SNX29: variants seen among roughly 807,000 people sequenced by gnomAD.
The protein encoded by SNX29 is sorting nexin-29.
A neutral mutation model predicts 102.1 loss-of-function variants in SNX29; 78 were observed. The ratio of observed to expected loss-of-function variants is 0.76; its 90% confidence interval spans 0.64 to 0.92. The LOEUF (loss-of-function observed/expected upper bound fraction) is 0.92. SNX29 is among the 40% of genes least tolerant of loss of function. The pLI is 0.00. For synonymous variants in SNX29, 580 were observed against 414.5 expected (o/e 1.40, Z -4.85); for missense variants, 1,280 against 1,061.7 (o/e 1.21, Z -2.86).
chr16:12,422,451 G>A (rs575417416), intron 18 of SNX29, among the ~76,000 whole-genome samples: 2 of 152,248 alleles, frequency 1.3e-5, no homozygotes, highest in African/African-American at 4.8e-5. Flanking sequence ...CTGTTACTTC[G>A]ACAGTCTAGC....
intron 14 of SNX29, among the ~76,000 whole-genome samples, chr16:12,241,976 G>T (rs777271695): frequency 6.6e-6 from 1 of 152,132 alleles, no homozygotes; most frequent in African/African-American, 2.4e-5. Context: ...ACTCCAGCAT[G>T]CTCATCTAAG....
intron 18 of SNX29, among the ~76,000 whole-genome samples, chr16:12,446,926 A>G (rs1465854516): frequency 2.6e-5 from 4 of 151,990 alleles, no homozygotes; most frequent in Non-Finnish European, 4.4e-5. Context: ...GAACTTTGGG[A>G]GGTCAAGGTG....
intron 18 of SNX29, among the ~76,000 whole-genome samples, chr16:12,453,376 G>C (rs1348186100): frequency 6.6e-6 from 1 of 152,172 alleles, no homozygotes; most frequent in African/African-American, 2.4e-5. Flanking sequence ...ATCCTTGCTG[G>C]AAATCCTTAC....
At chr16:12,509,345 C>T (rs907642840) in intron 19 of SNX29, among the ~76,000 whole-genome samples, 2 of 152,186 alleles carry the variant, frequency 1.3e-5, no homozygotes, top group African/African-American at 2.4e-5. Context: ...GGGCCCACAC[C>T]ACCCAAGCAG....
At chr16:12,268,382 C>CT (rs1333775224) in intron 14 of SNX29, among the ~76,000 whole-genome samples, 2 of 152,216 alleles carry the variant, frequency 1.3e-5, no homozygotes, top group Non-Finnish European at 2.9e-5. Context: ...GTCACCCCTG[C>CT]TAAGCGGTAG....
At chr16:12,230,293 G>A (rs981573212) in intron 14 of SNX29, among the ~76,000 whole-genome samples, 5 of 152,204 alleles carry the variant, frequency 3.3e-5, no homozygotes, top group African/African-American at 1.2e-4. Flanking sequence ...TCCCGTTTGG[G>A]CAAAGAGTCA....
intron 13 of SNX29, among the ~76,000 whole-genome samples, chr16:12,189,195 A>G (rs879305067): frequency 9.8e-5 from 15 of 152,342 alleles, no homozygotes; most frequent in Admixed American, 9.8e-4. Flanking sequence ...TAACAATATA[A>G]CAATCAGAAT....
chr16:12,195,904 G>A (rs922368213), intron 13 of SNX29, among the ~76,000 whole-genome samples: 1 of 151,884 alleles, frequency 6.6e-6, no homozygotes, highest in East Asian at 1.9e-4. Context: ...TGGAGAGGCT[G>A]AAGTGAACTG....
At chr16:12,374,148 C>T (rs1188134611) in intron 16 of SNX29, among the ~76,000 whole-genome samples, 1 of 152,214 alleles carries the variant, frequency 6.6e-6, no homozygotes. Context: ...TAGCCCATTC[C>T]CCAAGATCCA....
chr16:12,296,132 A>G (rs1018371561), intron 15 of SNX29, among the ~76,000 whole-genome samples: 2 of 152,206 alleles, frequency 1.3e-5, no homozygotes, highest in African/African-American at 4.8e-5. Flanking sequence ...GTTAATGGAA[A>G]ATTCTCCCCT....
intron 18 of SNX29, among the ~76,000 whole-genome samples, chr16:12,415,798 C>T (rs775560270): frequency 3.9e-5 from 6 of 152,296 alleles, no homozygotes; most frequent in African/African-American, 4.8e-5. Context: ...TCCCTGTGCT[C>T]CCCAACCCAG....
chr16:12,503,745 G>A (rs8061448), intron 19 of SNX29, among the ~76,000 whole-genome samples: 72,374 of 151,770 alleles, frequency 0.48, 18,065 homozygotes, highest in South Asian at 0.63. Context: ...TTTCTTCAAG[G>A]CAGAGCCTCT....
Position 12,569,119 on chromosome 16 carries a change from TTGCGGGGG to T in SNX29, c.*491_*498del, listed in dbSNP as rs1310771174. 1.1e-4 allele frequency: 2 copies of T among 17,904 alleles called. No individual in the cohort carries two copies. Among genetic ancestry groups the T allele is most frequent in the Non-Finnish European group, 2.3e-4 (2 of 8,796 alleles). 1.1% of individuals were successfully genotyped at this position (17,904 alleles called of 1,614,324 possible). A position where few individuals can be genotyped will look rare whatever the true frequency, so the allele number is the denominator to read the frequency against. On this transcript the variant is annotated 3_prime_UTR_variant, in exon 21 of 21. Transcript: ENST00000566228. ...TGGCCTAACCTAGGGATGGCTGGCT[TTGCGGGGG>T]GGGGGGGGGGGGGGGGCATGGTTCC...
At chr16:12,274,559 C>G (rs1031438828) in intron 14 of SNX29, among the ~76,000 whole-genome samples, 4 of 147,524 alleles carry the variant, frequency 2.7e-5, no homozygotes, top group Non-Finnish European at 6.0e-5. Context: ...TTTTTTGAGA[C>G]AGAGTCTTGC....
rs573547118 is a variant in SNX29, at chr16:12,525,026, A to G, written c.2318+185A>G. Among the ~76,000 whole-genome samples, 3 of 152,186 alleles carry G rather than the reference A, an allele frequency of 2.0e-5. No homozygotes were observed. The South Asian group carries it at 6.2e-4, about 32-fold the overall frequency. On this transcript the variant is annotated intron_variant, in intron 20 of 20. Transcript: ENST00000566228. ...GGGTCTCAGCGCTTTGGAGCTTCTA[A>G]AGGGATGGGAAGAGAGCAGGCCTGC...
At chr16:12,546,350 C>A (rs1447988883) in intron 20 of SNX29, 2 of 152,260 alleles carry the variant, frequency 1.3e-5, no homozygotes, top group Non-Finnish European at 2.9e-5. Flanking sequence ...CTCACAGTTC[C>A]ATGTGGCTGG....
At chr16:12,534,419 C>G (rs774234800) in intron 20 of SNX29, among the ~76,000 whole-genome samples, 3 of 152,202 alleles carry the variant, frequency 2.0e-5, no homozygotes, top group Non-Finnish European at 4.4e-5. Flanking sequence ...GTGTAGCCAG[C>G]GGCTGCACTC....
chr16:12,568,470 C>G, intron 20 of SNX29, 36 bp from the exon 21 acceptor site: 2 of 1,605,668 alleles, frequency 1.2e-6, no homozygotes, highest in Non-Finnish European at 1.7e-6. Flanking sequence ...GCTTTTCATC[C>G]CCAGACTTAA....
intron 18 of SNX29, among the ~76,000 whole-genome samples, chr16:12,476,904 T>A (rs373072806): frequency 1.6e-4 from 25 of 152,326 alleles, no homozygotes; most frequent in African/African-American, 6.0e-4. Flanking sequence ...GTATTGACAC[T>A]CATGGAGTGT....
Sources: allele counts gnomAD v4.1 joint callset (sites outside exome capture counted in the v4.1 genomes callset), GRCh38; gene constraint gnomAD v4.1.1; transcripts MANE v1.5; gene names NCBI Gene and HGNC (gene_info 2026-07-23, HGNC 2026-07-21).